HPSE2: variants seen among roughly 807,000 people sequenced by gnomAD.
HPSE2 encodes inactive heparanase-2.
In HPSE2, 38 loss-of-function variants were observed where a neutral mutation model predicts 60.5. The ratio of observed to expected loss-of-function variants is 0.63; its 90% CI spans 0.48 to 0.82. The LOEUF is 0.82. Among genes scored for constraint, HPSE2 ranks in the 40% least tolerant of loss-of-function variants. The pLI, the probability that HPSE2 is intolerant of heterozygous loss-of-function variation, is 0.00. For missense variants in HPSE2, 713 were observed against 740.4 expected, an observed-to-expected ratio of 0.96 and a Z score of 0.43; for synonymous variants, 295 against 293.2, an observed-to-expected ratio of 1.01 and a Z score of -0.06.
At chr10:99,298,751 T>C in the HPSE2 span, among the ~76,000 whole-genome samples, 1 of 151,724 alleles carries the variant, frequency 6.6e-6, no homozygotes, top group East Asian at 2.0e-4. Flanking sequence ...CTTGGCTCAC[T>C]GCAACCTCTG....
At chr10:99,157,638 C>G (rs1161393228) in intron 2 of HPSE2, among the ~76,000 whole-genome samples, 6 of 146,970 alleles carry the variant, frequency 4.1e-5, no homozygotes, top group African/African-American at 1.5e-4. Context: ...AGACCTAAAA[C>G]CATAAAAACC....
the HPSE2 span, among the ~76,000 whole-genome samples, chr10:99,278,086 C>G: frequency 8.1e-5 from 5 of 61,400 alleles, no homozygotes; most frequent in Non-Finnish European, 1.7e-4. Flanking sequence ...GCGAGACTCC[C>G]TCTCAAAAAA....
intron 3 of HPSE2, among the ~76,000 whole-genome samples, chr10:98,755,414 A>T (rs1434712039): frequency 6.6e-6 from 1 of 152,202 alleles, no homozygotes; most frequent in Non-Finnish European, 1.5e-5. Context: ...ATACCCACAC[A>T]ATAATAATGG....
chr10:99,064,649 A>G (rs528871013), intron 3 of HPSE2, among the ~76,000 whole-genome samples: 28 of 151,734 alleles, frequency 1.8e-4, no homozygotes, highest in Non-Finnish European at 3.1e-4. Context: ...CCCAACCAAC[A>G]TGAACTTCCT....
intron 6 of HPSE2, among the ~76,000 whole-genome samples, chr10:98,668,203 A>G (rs1445141039): frequency 6.6e-6 from 1 of 152,150 alleles, no homozygotes; most frequent in Admixed American, 6.6e-5. Flanking sequence ...AATATATCTA[A>G]CCAAGGAGGG....
At chr10:99,116,447 G>T (rs1412180504) in intron 3 of HPSE2, among the ~76,000 whole-genome samples, 1 of 152,112 alleles carries the variant, frequency 6.6e-6, no homozygotes, top group Non-Finnish European at 1.5e-5. Context: ...CACCCTCGAA[G>T]ACAATGATTC....
intron 10 of HPSE2, among the ~76,000 whole-genome samples, chr10:98,485,682 T>C (rs1483963604): frequency 1.3e-5 from 2 of 152,204 alleles, no homozygotes; most frequent in Non-Finnish European, 2.9e-5. Context: ...GAAGACACCA[T>C]TAATTGCAGG....
intron 8 of HPSE2, among the ~76,000 whole-genome samples, 199 bp from the exon 9 acceptor site, chr10:98,615,217 T>A (rs1565017567): frequency 6.6e-6 from 1 of 152,196 alleles, no homozygotes. Context: ...AACCTCTTCA[T>A]TTGATAGAAA....
At chr10:98,995,700 A>G (rs1956628013) in intron 3 of HPSE2, among the ~76,000 whole-genome samples, 1 of 152,202 alleles carries the variant, frequency 6.6e-6, no homozygotes, top group Non-Finnish European at 1.5e-5. Context: ...CAACACTTAT[A>G]TCTGACAAAA....
intron 3 of HPSE2, among the ~76,000 whole-genome samples, chr10:98,824,368 C>T (rs1378399388): frequency 6.6e-6 from 1 of 152,166 alleles, no homozygotes; most frequent in African/African-American, 2.4e-5. Context: ...TAGCTATTCA[C>T]TAATACTGTG....
At chr10:98,776,622 G>C (rs562362104) in intron 3 of HPSE2, among the ~76,000 whole-genome samples, 54 of 152,234 alleles carry the variant, frequency 3.5e-4, no homozygotes, top group African/African-American at 1.3e-3. Flanking sequence ...AAATGTCAAT[G>C]TCACACAAGA....
chr10:98,766,351 C>T (rs997911249), intron 3 of HPSE2, among the ~76,000 whole-genome samples: 7 of 152,172 alleles, frequency 4.6e-5, no homozygotes, highest in African/African-American at 1.7e-4. Flanking sequence ...ACCAATTCTA[C>T]ATCAGTAAAC....
intron 3 of HPSE2, among the ~76,000 whole-genome samples, chr10:98,969,539 T>TAAG (rs1955898121): frequency 6.6e-6 from 1 of 152,150 alleles, no homozygotes; most frequent in African/African-American, 2.4e-5. Context: ...TTCATGTTTC[T>TAAG]TTTTTTATCT....
chr10:98,891,125 C>T (rs1258153611), intron 3 of HPSE2, among the ~76,000 whole-genome samples: 1 of 152,088 alleles, frequency 6.6e-6, no homozygotes, highest in Non-Finnish European at 1.5e-5. Flanking sequence ...TTCTAGGGTA[C>T]ATTCAAAGAG....
intron 3 of HPSE2, among the ~76,000 whole-genome samples, chr10:98,936,601 T>C (rs1378645007): frequency 2.1e-5 from 3 of 143,486 alleles, no homozygotes; most frequent in Non-Finnish European, 4.5e-5. Flanking sequence ...TGCTCTTCCC[T>C]ATGAGAGCTT....
intron 7 of HPSE2, among the ~76,000 whole-genome samples, chr10:98,621,218 AC>A (rs1946065725): frequency 6.6e-6 from 1 of 152,112 alleles, no homozygotes; most frequent in Non-Finnish European, 1.5e-5. Flanking sequence ...TTGTAATCAC[AC>A]TTTGAAAATA....
chr10:98,529,950 G>A (rs1943080372), intron 9 of HPSE2, among the ~76,000 whole-genome samples: 1 of 152,146 alleles, frequency 6.6e-6, no homozygotes, highest in African/African-American at 2.4e-5. Flanking sequence ...TATTGAAAAA[G>A]GTTTATGCCA....
intron 9 of HPSE2, among the ~76,000 whole-genome samples, chr10:98,546,546 A>T (rs1163900615): frequency 2.0e-5 from 3 of 152,038 alleles, no homozygotes; most frequent in Non-Finnish European, 4.4e-5. Flanking sequence ...AAAAAAAAGC[A>T]ATGGGGAAAG....
intron 11 of HPSE2, among the ~76,000 whole-genome samples, chr10:98,460,050 C>A (rs1399356853): frequency 6.6e-6 from 1 of 152,058 alleles, no homozygotes; most frequent in East Asian, 1.9e-4. Context: ...AGGTAGTCTA[C>A]CTCCATAGAC....
Sources: allele counts gnomAD v4.1 joint callset (sites outside exome capture counted in the v4.1 genomes callset), GRCh38; gene constraint gnomAD v4.1.1; transcripts MANE v1.5; gene names NCBI Gene and HGNC (gene_info 2026-07-23, HGNC 2026-07-21).